Variants in HSD17B4 observed in about 807,000 individuals in gnomAD.
HSD17B4 encodes the protein hydroxysteroid 17-beta dehydrogenase 4, also known as peroxisomal multifunctional enzyme type 2.
HSD17B4 carries 70 observed loss-of-function variants against 101.0 expected under a neutral mutation model. The ratio of observed to expected loss-of-function variants is 0.69; its 90% CI spans 0.57 to 0.85. The LOEUF is 0.85. Ranked by LOEUF, HSD17B4 falls within the 40% of genes least tolerant of loss-of-function variation. The pLI, the probability that HSD17B4 is intolerant of heterozygous loss-of-function variation, is 0.00. For missense variants in HSD17B4, 984 were observed against 892.4 expected (o/e 1.10, Z -1.31); for synonymous variants, 347 against 297.1 (o/e 1.17, Z -1.73).
chr5:119,452,524 C>A lies in HSD17B4; in HGVS notation c.-52C>A, dbSNP rs1025981491. 4.3e-6 allele frequency: 7 copies of A among 1,613,248 alleles called. No individual in the cohort carries two copies. In the Admixed American group the frequency reaches 8.3e-5, roughly 19 times the overall value. ...TCCCCGCCTCCTCCTGTCCCGCAGT[C>A]GGCGTCCAGCGGCTCTGCTTGTTCG... On this transcript the variant is annotated 5_prime_UTR_variant, in exon 1 of 24. Transcript: ENST00000510025.
intron 20 of HSD17B4, 68 bp from the exon 21 acceptor site, chr5:119,529,826 T>G: frequency 1.1e-6 from 1 of 904,754 alleles, no homozygotes; most frequent in Non-Finnish European, 1.8e-6. Context: ...AACTTTGTAC[T>G]GTTTCACAGT....
At chr5:119,488,072 T>G in intron 8 of HSD17B4, among the ~76,000 whole-genome samples, 1 of 152,212 alleles carries the variant, frequency 6.6e-6, no homozygotes, top group East Asian at 1.9e-4. Context: ...TTTTGTCATT[T>G]CACAATTTTT....
In HSD17B4 at chr5:119,533,336, G is replaced by A. The variant is rs150119538; in HGVS notation, c.1993+1932G>A. On this transcript the variant is annotated intron_variant, in intron 22 of 23. Transcript: ENST00000510025. The stretch of plus-strand genomic sequence containing the variant: ...AGGGATAATTATTTACAGGCTGTGT[G>A]TCAGGAAAGGTGAAATACTGGGGTT... 3.3e-5 allele frequency among the ~76,000 whole-genome samples: 5 copies of A among 150,554 alleles called. No homozygotes were observed. The East Asian group carries it at 9.8e-4, about 29-fold the overall frequency.
intron 8 of HSD17B4, among the ~76,000 whole-genome samples, chr5:119,486,696 G>A (rs750950625): frequency 2.0e-5 from 3 of 152,078 alleles, no homozygotes; most frequent in Non-Finnish European, 4.4e-5. Context: ...GAACATATCG[G>A]TTGCTTTTTA....
At chr5:119,529,869 C>CT (rs753928040) in intron 20 of HSD17B4, 25 bp from the exon 21 acceptor site, 6,704 of 1,225,384 alleles carry the variant, frequency 5.5e-3, no homozygotes, top group Non-Finnish European at 6.9e-3. Context: ...CAGAATAAAT[C>CT]TTTTTTTTTT....
Position 119,514,993 on chromosome 5 carries a change from A to T in HSD17B4, c.1450A>T (p.Ile484Leu). Residue 484 changes from isoleucine (I) to leucine (L), a missense_variant, in exon 17 of 24, where the codon ATA becomes TTA. Physicochemically the swap from Ile to Leu is conservative, Grantham distance 5. Coordinates refer to ENST00000510025, the MANE Select transcript of HSD17B4 (RefSeq NM_000414.4). ...GTCTTAATTTTAGGTAGCTGTAGCC[A>T]TACCTAATAGACCTCCTGATGCTGT... is the stretch of plus-strand genomic sequence containing the variant. ...TSDKVKVAVA[I>L]PNRPPDAVLT... is the part of the protein sequence containing the mutation. The T allele has an allele frequency of 6.4e-7, 1 of 1,555,238 alleles. No individual in the cohort carries two copies. The highest frequency in any genetic ancestry group is 8.9e-7 in the Non-Finnish European group (1 of 1,126,544).
At chr5:119,485,485 C>T (rs1749536217) in intron 8 of HSD17B4, among the ~76,000 whole-genome samples, 1 of 151,974 alleles carries the variant, frequency 6.6e-6, no homozygotes, top group Admixed American at 6.6e-5. Flanking sequence ...TTTAAATTTC[C>T]TTTAATTTTG....
chr5:119,480,908 A>G (rs976503833), intron 8 of HSD17B4, among the ~76,000 whole-genome samples: 3 of 152,214 alleles, frequency 2.0e-5, no homozygotes, highest in African/African-American at 7.2e-5. Context: ...TTTTGAAAGA[A>G]GAGAAATAAT....
chr5:119,492,008 G>T (rs991579412), intron 9 of HSD17B4, 92 bp from the exon 10 acceptor site: 31 of 926,438 alleles, frequency 3.3e-5, no homozygotes, highest in Non-Finnish European at 5.4e-5. Context: ...TTCTAATACT[G>T]CTAGTAGAGG....
At chr5:119,467,261 C>T (rs564985937) in intron 2 of HSD17B4, among the ~76,000 whole-genome samples, 124 of 152,280 alleles carry the variant, frequency 8.1e-4, no homozygotes, top group Admixed American at 1.5e-3. Context: ...CTGTTAACTT[C>T]TATTAGGACC....
In HSD17B4 at chr5:119,485,331, A is replaced by G. The variant is rs148806338; in HGVS notation, c.623-3861A>G. 5.6e-3 allele frequency among the ~76,000 whole-genome samples: 846 copies of G among 152,286 alleles called. 7 individuals are homozygous for G. Among genetic ancestry groups the G allele is most frequent in the African/African-American group, 0.019 (800 of 41,578 alleles). ...TTTATTTGAACAGATCTGGACCACT[A>G]AAGGCATTAGGTAAATGTTTAATCC... On this transcript the variant is annotated intron_variant, in intron 8 of 23. Coordinates refer to ENST00000510025, the MANE Select transcript of HSD17B4 (RefSeq NM_000414.4).
At position 119,468,245 on chromosome 5, in the gene HSD17B4, A is replaced by G. The variant is rs867218066; in HGVS notation, c.113-5663A>G. Among the ~76,000 whole-genome samples, 3 of 152,198 alleles carry G rather than the reference A, an allele frequency of 2.0e-5. No individual in the cohort carries two copies. The South Asian group carries it at 6.2e-4, about 32-fold the overall frequency. ...TCATATGTTTTCATGATGGTAGTTC[A>G]TCCTTTCACTTTCAAGTGTAGGACT... On this transcript the variant is annotated intron_variant, in intron 2 of 23. Coordinates refer to ENST00000510025, the MANE Select transcript of HSD17B4 (RefSeq NM_000414.4).
intron 17 of HSD17B4, among the ~76,000 whole-genome samples, chr5:119,517,520 C>T (rs913722673): frequency 5.9e-5 from 9 of 152,260 alleles, no homozygotes; most frequent in Non-Finnish European, 1.0e-4. Flanking sequence ...CAGGCAGCTC[C>T]ACCTGCAGCC....
rs1561458787 is a variant in HSD17B4 at position 119,494,341 on chromosome 5, CTTTCT to C, written c.868+398_868+402del. On this transcript the variant is annotated intron_variant, in intron 11 of 23. Transcript: ENST00000510025. ...CTTTCTTTCTTTTCTTTCTTTCTTT[CTTTCT>C]TTCTTTCTTTCTTTCTTTCTTTCTT... Among the ~76,000 whole-genome samples, 219 of 144,284 alleles carry C rather than the reference CTTTCT, an allele frequency of 1.5e-3. 1 individual carries two copies. The highest frequency in any genetic ancestry group is 2.3e-3 in the Non-Finnish European group (153 of 66,186). The allele number at this position is 144,284 out of a possible 152,430, so 94.7% of individuals were successfully genotyped here. A position where few individuals can be genotyped will look rare whatever the true frequency, so the allele number is the denominator to read the frequency against.
In HSD17B4 at chr5:119,499,547, T is replaced by C. The variant is rs756709539; in HGVS notation, c.1203T>C (p.Phe401=). ...AAATTCCTGGACTTTCAATCAACTTTGCAAAGGTATGCCTAATAAAAAACC... is the reference window on the plus strand; with the variant it reads ...AAATTCCTGGACTTTCAATCAACTTCGCAAAGGTATGCCTAATAAAAAACC... ...LAEIPGLSIN[F]AKVLHGEQYL... is the part of the protein sequence containing the mutation. The change falls in exon 13 of 24, where the codon TTT becomes TTC. Residue 401 remains phenylalanine (F), a synonymous_variant. Coordinates refer to ENST00000510025, the MANE Select transcript of HSD17B4 (RefSeq NM_000414.4). The C allele has an allele frequency of 1.9e-6, 3 of 1,579,842 alleles. No homozygotes were observed. The highest frequency in any genetic ancestry group is 1.1e-5 in the South Asian group (1 of 90,308).
intron 16 of HSD17B4, among the ~76,000 whole-genome samples, chr5:119,512,563 G>T (rs1441007525): frequency 7.2e-6 from 1 of 139,680 alleles, no homozygotes; most frequent in African/African-American, 2.6e-5. Context: ...GTGCTGAAAG[G>T]AAAAAAAAAA....
At position 119,493,847 on chromosome 5, in the gene HSD17B4, G is replaced by C; in HGVS notation, c.769G>C (p.Val257Leu). The C allele has an allele frequency of 6.2e-7, 1 of 1,613,082 alleles. No homozygotes were observed. Among genetic ancestry groups the C allele is most frequent in the Non-Finnish European group, 8.5e-7 (1 of 1,179,286 alleles). Residue 257 changes from valine (V) to leucine (L), a missense_variant, in exon 11 of 24, where the codon GTA becomes CTA. Coordinates refer to ENST00000510025, the MANE Select transcript of HSD17B4 (RefSeq NM_000414.4). ...LRWERTLGAIVRQKNHPMTPE... is the reference protein window; with the variant it reads ...LRWERTLGAILRQKNHPMTPE... ...CTGGGAGCGGACTCTTGGAGCTATT[G>C]TAAGACAAAAGAATCACCCAATGAC...
intron 20 of HSD17B4, among the ~76,000 whole-genome samples, chr5:119,527,795 C>T (rs1561487545): frequency 6.6e-6 from 1 of 152,046 alleles, no homozygotes; most frequent in Non-Finnish European, 1.5e-5. Context: ...TTTCTCTGGA[C>T]AGAAATCATA....
intron 17 of HSD17B4, among the ~76,000 whole-genome samples, chr5:119,517,792 T>C (rs561116641): frequency 2.7e-4 from 41 of 152,270 alleles, no homozygotes; most frequent in Non-Finnish European, 5.7e-4. Context: ...ATCGGCACTC[T>C]GTATCTAGCT....
Sources: allele counts gnomAD v4.1 joint callset (sites outside exome capture counted in the v4.1 genomes callset), GRCh38; gene constraint gnomAD v4.1.1; transcripts MANE v1.5; gene names NCBI Gene and HGNC (gene_info 2026-07-23, HGNC 2026-07-21).